The following PDE3B variants were observed in gnomAD, a reference collection of about 807,000 sequenced individuals.
PDE3B encodes the protein cGMP-inhibited 3',5'-cyclic phosphodiesterase 3B.
Under a neutral mutation model 116.8 loss-of-function variants are expected in PDE3B, and 66 were observed. The ratio of observed to expected loss-of-function variants is 0.56; its 90% CI spans 0.46 to 0.69. The LOEUF is 0.69. Ranked by LOEUF, PDE3B falls within the 30% of genes least tolerant of loss-of-function variation. The pLI, the probability that PDE3B is intolerant of heterozygous loss-of-function variation, is 0.00. For missense variants in PDE3B, 1,384 were observed against 1,368.1 expected, an observed-to-expected ratio of 1.01 and a Z score of -0.18; for synonymous variants, 595 against 533.6, an observed-to-expected ratio of 1.12 and a Z score of -1.59.
chr11:14,847,777 G>A (rs372237797), intron 12 of PDE3B, among the ~76,000 whole-genome samples: 14 of 152,142 alleles, frequency 9.2e-5, no homozygotes, highest in East Asian at 7.7e-4. Flanking sequence ...ACCCTCCCAA[G>A]ACTAAACCAG....
intron 5 of PDE3B, 40 bp from the exon 6 acceptor site, chr11:14,818,143 C>T: frequency 7.9e-7 from 1 of 1,258,630 alleles, no homozygotes; most frequent in Non-Finnish European, 1.2e-6. Flanking sequence ...CACATAAATA[C>T]ATTCTTATTT....
intron 2 of PDE3B, among the ~76,000 whole-genome samples, chr11:14,781,835 T>C (rs1003551208): frequency 2.6e-5 from 4 of 152,202 alleles, no homozygotes; most frequent in Non-Finnish European, 4.4e-5. Context: ...GAGAAAGAAA[T>C]AAAAGGTATT....
chr11:14,744,394 C>T (rs1358655480), intron 1 of PDE3B, among the ~76,000 whole-genome samples: 1 of 152,110 alleles, frequency 6.6e-6, no homozygotes, highest in Non-Finnish European at 1.5e-5. Context: ...TTGCCATTTT[C>T]ACAATATTGT....
At chr11:14,841,088 G>A (rs1860207845) in intron 11 of PDE3B, among the ~76,000 whole-genome samples, 1 of 151,980 alleles carries the variant, frequency 6.6e-6, no homozygotes, top group Non-Finnish European at 1.5e-5. Context: ...TGGACTTTAA[G>A]TAAAGCAGAT....
In PDE3B at chr11:14,709,500, C is replaced by T. The variant is rs181060257; in HGVS notation, c.979-62437C>T. 1.9e-3 allele frequency among the ~76,000 whole-genome samples: 294 copies of T among 152,190 alleles called. 8 individuals carry two copies. The highest frequency in any genetic ancestry group is 1.4e-3 in the African/African-American group (58 of 41,512). On this transcript the variant is annotated intron_variant, in intron 1 of 15. Coordinates refer to ENST00000282096, the MANE Select transcript of PDE3B (RefSeq NM_000922.4). ...ACTACCAGTAACCTGGAGGCACTAC[C>T]ACTTTTCTTCTGCCAGTAACCTGGG... is the stretch of plus-strand genomic sequence containing the variant.
rs1220780241 is a variant in PDE3B, at chr11:14,786,677, C to T, written c.1270C>T (p.Leu424Phe). ...CCCAGCTGAGAAAGGGGATAGAAAA[C>T]TTAACAAGGTCGAAATACAGTAATC... The part of the protein sequence containing the change: ...EDPAEKGDRK[L>F]NKGLNRNSLP... Residue 424 changes from leucine to phenylalanine, a missense_variant, in exon 3 of 16, where the codon CTT becomes TTT. Coordinates refer to ENST00000282096, the MANE Select transcript of PDE3B (RefSeq NM_000922.4). 6.2e-7 allele frequency: 1 copy of T among 1,610,010 alleles called. No homozygotes were observed. Among genetic ancestry groups the T allele is most frequent in the Non-Finnish European group, 8.5e-7 (1 of 1,176,606 alleles).
chr11:14,703,471 C>A (rs181746342), intron 1 of PDE3B, among the ~76,000 whole-genome samples: 12 of 151,130 alleles, frequency 7.9e-5, no homozygotes, highest in African/African-American at 2.7e-4. Context: ...GACTTGTCAC[C>A]ACTCAGTGAT....
Position 14,803,938 on chromosome 11 carries a change from T to A in PDE3B, c.1416-6T>A. Reference sequence around the variant, plus strand: ...AAAATTTTAACCTGTTATTTTTCCCTTTTAGTCAAGGATGCTATCTAAATG... The same window carrying A: ...AAAATTTTAACCTGTTATTTTTCCCATTTAGTCAAGGATGCTATCTAAATG... On this transcript the variant is annotated splice_polypyrimidine_tract_variant and splice_region_variant and intron_variant, in intron 4 of 15. Coordinates refer to ENST00000282096, the MANE Select transcript of PDE3B (RefSeq NM_000922.4). 2 of 1,527,276 alleles carry A rather than the reference T, an allele frequency of 1.3e-6. No individual in the cohort carries two copies. Among genetic ancestry groups the A allele is most frequent in the East Asian group, 2.3e-5 (1 of 44,432 alleles). 94.6% of individuals were successfully genotyped at this position (1,527,276 alleles called of 1,614,324 possible).
intron 7 of PDE3B, among the ~76,000 whole-genome samples, chr11:14,820,232 C>CTTTTTT (rs36115886): frequency 1.4e-5 from 2 of 140,768 alleles, no homozygotes; most frequent in Non-Finnish European, 3.1e-5. Flanking sequence ...CCAACTCATT[C>CTTTTTT]TTTTTTTTTT....
chr11:14,664,402 G>T (rs1166331931), intron 1 of PDE3B, among the ~76,000 whole-genome samples: 3 of 152,008 alleles, frequency 2.0e-5, no homozygotes, highest in African/African-American at 7.2e-5. Context: ...CAGAAGGCAA[G>T]AAATAACTAA....
chr11:14,822,225 C>T lies in PDE3B; in HGVS notation c.1807+3016C>T, dbSNP rs566449883. Among the ~76,000 whole-genome samples, 4 of 152,126 alleles carry T rather than the reference C, an allele frequency of 2.6e-5. No homozygotes were observed. The South Asian group carries it at 8.3e-4, about 32-fold the overall frequency. On this transcript the variant is annotated intron_variant, in intron 7 of 15. Coordinates refer to ENST00000282096, the MANE Select transcript of PDE3B (RefSeq NM_000922.4). ...GCCAAGATCTCTTTTTACAAAAAAA[C>T]AAACAAAACTCTACATATTGAGCTT...
At chr11:14,806,080 G>A (rs1848244219) in intron 5 of PDE3B, among the ~76,000 whole-genome samples, 1 of 152,212 alleles carries the variant, frequency 6.6e-6, no homozygotes, top group Non-Finnish European at 1.5e-5. Flanking sequence ...GGAAGACAGT[G>A]TGGCGATTCC....
chr11:14,669,241 G>T (rs536700775), intron 1 of PDE3B, among the ~76,000 whole-genome samples: 1 of 152,186 alleles, frequency 6.6e-6, no homozygotes, highest in East Asian at 1.9e-4. Context: ...GATTTTACAT[G>T]AGAGCAGGGG....
chr11:14,874,793 G>T (rs1459937100), downstream of PDE3B, among the ~76,000 whole-genome samples: 4 of 152,010 alleles, frequency 2.6e-5, no homozygotes, highest in Non-Finnish European at 5.9e-5. Context: ...AAAACATTTA[G>T]ATAGTATTGT....
intron 1 of PDE3B, among the ~76,000 whole-genome samples, chr11:14,680,090 C>T (rs558487168): frequency 1.2e-4 from 19 of 152,310 alleles, no homozygotes; most frequent in African/African-American, 4.6e-4. Flanking sequence ...GCCCACGTAA[C>T]GTCAGAGACG....
intron 1 of PDE3B, among the ~76,000 whole-genome samples, chr11:14,698,136 T>G: frequency 6.6e-6 from 1 of 151,970 alleles, no homozygotes; most frequent in Non-Finnish European, 1.5e-5. Flanking sequence ...TAGGTTTGTG[T>G]GTATGTGTGT....
intron 11 of PDE3B, among the ~76,000 whole-genome samples, chr11:14,841,850 C>T (rs970203591): frequency 4.7e-5 from 7 of 150,092 alleles, no homozygotes; most frequent in South Asian, 2.1e-4. Context: ...TGATTACTAT[C>T]GCTTTGTAAT....
chr11:14,852,350 C>A (rs1030657619), intron 12 of PDE3B, among the ~76,000 whole-genome samples: 1 of 152,172 alleles, frequency 6.6e-6, no homozygotes, highest in Non-Finnish European at 1.5e-5. Context: ...GCTACCATGC[C>A]GGCCTACTCT....
chr11:14,665,965 G>A lies in PDE3B; in HGVS notation c.978+20912G>A, dbSNP rs189741183. Among the ~76,000 whole-genome samples the A allele has an allele frequency of 2.1e-3, 320 of 152,242 alleles. 1 individual carries two copies. Among genetic ancestry groups the A allele is most frequent in the African/African-American group, 6.8e-3 (282 of 41,538 alleles). The stretch of plus-strand genomic sequence containing the variant: ...TTCATATGGAATGAAAAAAGAGCCC[G>A]CATCGCCAAGTCAATCCAACACCAA... On this transcript the variant is annotated intron_variant, in intron 1 of 15. Coordinates refer to ENST00000282096, the MANE Select transcript of PDE3B (RefSeq NM_000922.4).
Sources: gnomAD v4.1 joint callset for allele counts (sites outside exome capture counted in the v4.1 genomes callset) on GRCh38, gnomAD v4.1.1 for gene constraint, MANE v1.5 for transcripts, NCBI Gene and HGNC (gene_info 2026-07-23, HGNC 2026-07-21) for gene names.